The following ARHGEF11 variants were observed in gnomAD, a reference collection of about 807,000 sequenced individuals.
ARHGEF11 encodes the protein Rho guanine exchange factor (GEF) 11.
Under a neutral mutation model 193.7 loss-of-function variants are expected in ARHGEF11, and 55 were observed. The observed-to-expected ratio is 0.28, with a 90% CI of 0.23 to 0.36. ARHGEF11 has a LOEUF of 0.36. Ranked by LOEUF, ARHGEF11 falls within the 10% of genes least tolerant of loss-of-function variation. The pLI is 1.00. For missense variants in ARHGEF11, 1,723 were observed against 2,005.6 expected (o/e 0.86, Z 2.69); for synonymous variants, 693 against 768.0 (o/e 0.90, Z 1.62).
At chr1:156,944,672 A>G (rs1657790433) in intron 30 of ARHGEF11, among the ~76,000 whole-genome samples, 1 of 152,082 alleles carries the variant, frequency 6.6e-6, no homozygotes, top group African/African-American at 2.4e-5. Flanking sequence ...ACCTGCCCCT[A>G]CCACGTGCCA....
chr1:157,036,771 C>T (rs1672101017), intron 1 of ARHGEF11, among the ~76,000 whole-genome samples: 1 of 152,126 alleles, frequency 6.6e-6, no homozygotes, highest in African/African-American at 2.4e-5. Context: ...TACTGAAGAT[C>T]CTAGTCTATC....
At chr1:156,951,857 T>G (rs1659162320) in intron 21 of ARHGEF11, among the ~76,000 whole-genome samples, 158 bp from the exon 22 acceptor site, 1 of 152,166 alleles carries the variant, frequency 6.6e-6, no homozygotes, top group African/African-American at 2.4e-5. Context: ...GTCCTGGCTC[T>G]TCTATGAATA....
At position 156,948,825 on chromosome 1, in the gene ARHGEF11, C is replaced by T. The variant is rs1425654542; in HGVS notation, c.1926-327G>A. On this transcript the variant is annotated intron_variant, in intron 22 of 40. Transcript: ENST00000368194. The surrounding 1 kb of genome is among the most constrained non-coding windows in gnomAD (Gnocchi z 4.2). ...TTGTAGTGTGTCCAGAGGCCTGAGA[C>T]ACCATGCTTCTGTCAAGAAGGTGGT... The T allele has an allele frequency of 1.0e-6, 1 of 985,332 alleles. No homozygotes were observed. Among genetic ancestry groups the T allele is most frequent in the Non-Finnish European group, 1.2e-6 (1 of 829,938 alleles). The allele number at this position is 985,332 out of a possible 1,614,324, so 61.0% of individuals were successfully genotyped here.
At chr1:156,947,735 G>T in intron 25 of ARHGEF11, 34 bp downstream of exon 25, 1 of 1,607,266 alleles carries the variant, frequency 6.2e-7, no homozygotes, top group South Asian at 1.1e-5. Context: ...CCACACGTGT[G>T]AGCGGAGCTG....
intron 40 of ARHGEF11, 68 bp downstream of exon 40, chr1:156,936,748 T>C (rs1655449148): frequency 6.6e-7 from 1 of 1,523,004 alleles, no homozygotes; most frequent in Non-Finnish European, 8.9e-7. Flanking sequence ...TGCTTAGTGA[T>C]GTGTCCTCAC....
chr1:156,939,772 C>T lies in ARHGEF11; in HGVS notation c.3872G>A (p.Gly1291Asp), dbSNP rs1200445744. Residue 1291 changes from glycine (G) to aspartate (D), a missense_variant, in exon 37 of 41, where the codon GGC becomes GAC. Gly to Asp is a moderately conservative substitution (Grantham distance 94, BLOSUM62 -1). Coordinates refer to ENST00000368194, the MANE Select transcript of ARHGEF11 (RefSeq NM_198236.3). ...CCCAGGGGGTGCTTGCCCTGGGGAGCCTGGGTCCCAGGGGTGAGAGGTGAC... is the reference window on the plus strand; with the variant it reads ...CCCAGGGGGTGCTTGCCCTGGGGAGTCTGGGTCCCAGGGGTGAGAGGTGAC... ...ISVTSHPWDP[G>D]SPGQAPPGGE... 1 of 1,613,890 alleles carries T rather than the reference C, an allele frequency of 6.2e-7. No homozygotes were observed. The highest frequency in any genetic ancestry group is 1.7e-5 in the Admixed American group (1 of 59,988).
chr1:156,959,898 T>A (rs1175966166), intron 15 of ARHGEF11, among the ~76,000 whole-genome samples: 1 of 149,708 alleles, frequency 6.7e-6, no homozygotes, highest in Non-Finnish European at 1.5e-5. Flanking sequence ...TCAGTATTAG[T>A]TAGGGAACTT....
intron 1 of ARHGEF11, among the ~76,000 whole-genome samples, chr1:157,023,790 C>A (rs868654627): frequency 1.4e-5 from 2 of 143,858 alleles, no homozygotes; most frequent in East Asian, 2.0e-4. Flanking sequence ...AAGATAATAA[C>A]AACTGCTGGA....
chr1:157,014,721 C>T (rs1308489403), intron 1 of ARHGEF11, among the ~76,000 whole-genome samples: 2 of 152,172 alleles, frequency 1.3e-5, no homozygotes, highest in African/African-American at 4.8e-5. Context: ...AGATTGTTTT[C>T]AGTAAGATTA....
At chr1:156,962,835 C>T (rs1222948624) in intron 13 of ARHGEF11, among the ~76,000 whole-genome samples, 2 of 145,316 alleles carry the variant, frequency 1.4e-5, no homozygotes, top group Non-Finnish European at 3.0e-5. Flanking sequence ...GCTGAGATCG[C>T]GCCACTGCAC....
At chr1:157,030,216 T>C (rs1671128086) in intron 1 of ARHGEF11, among the ~76,000 whole-genome samples, 1 of 152,164 alleles carries the variant, frequency 6.6e-6, no homozygotes, top group African/African-American at 2.4e-5. Flanking sequence ...CGAGCATCCA[T>C]TTACTACACA....
chr1:157,039,562 G>A (rs1323231650), intron 1 of ARHGEF11, among the ~76,000 whole-genome samples: 1 of 152,052 alleles, frequency 6.6e-6, no homozygotes, highest in Non-Finnish European at 1.5e-5. Context: ...TTACCCCATG[G>A]GGCAAAGGAG....
At chr1:157,030,607 A>T (rs1010379833) in intron 1 of ARHGEF11, among the ~76,000 whole-genome samples, 1 of 152,038 alleles carries the variant, frequency 6.6e-6, no homozygotes, top group Admixed American at 6.6e-5. Context: ...CTTAAGAATT[A>T]CACATTTTTA....
At position 156,951,439 on chromosome 1, in the gene ARHGEF11, G is replaced by A. The variant is rs1306872755; in HGVS notation, c.1925+134C>T. The A allele has an allele frequency of 3.4e-6, 4 of 1,190,996 alleles. No homozygotes were observed. The African/African-American group carries it at 4.6e-5, about 14-fold the overall frequency. 73.8% of individuals were successfully genotyped at this position (1,190,996 alleles called of 1,614,324 possible). A position where few individuals can be genotyped will look rare whatever the true frequency, so the allele number is the denominator to read the frequency against. ...TGTGTCTCCTGAAGATACTGGGGGT[G>A]GGGAGGAAGTTCTGTAAAGGGAGCC... is the stretch of plus-strand genomic sequence containing the variant. On this transcript the variant is annotated intron_variant, in intron 22 of 40. Coordinates refer to ENST00000368194, the MANE Select transcript of ARHGEF11 (RefSeq NM_198236.3).
In ARHGEF11 at chr1:156,940,335, C is replaced by A. The variant is rs1296851122; in HGVS notation, c.3605G>T (p.Gly1202Val). Residue 1202 changes from glycine to valine, a missense_variant, in exon 36 of 41, where the codon GGT becomes GTT. Coordinates refer to ENST00000368194, the MANE Select transcript of ARHGEF11 (RefSeq NM_198236.3). ...GGATGTGGAAGGGCAAGGCAGGACA[C>A]CCAGTTCCTCTTCCTCTGCACTGCC... is the stretch of plus-strand genomic sequence containing the variant. ...QEGSAEEEEL[G>V]VLPCPSTSLD... 6.2e-7 allele frequency: 1 copy of A among 1,613,942 alleles called. No individual in the cohort carries two copies. Among genetic ancestry groups the A allele is most frequent in the Non-Finnish European group, 8.5e-7 (1 of 1,179,886 alleles).
At chr1:156,970,638 C>G (rs976454538) in intron 8 of ARHGEF11, among the ~76,000 whole-genome samples, 1 of 152,184 alleles carries the variant, frequency 6.6e-6, no homozygotes, top group African/African-American at 2.4e-5. Context: ...ACCCTAAGGC[C>G]AGGGTTGGCG....
In ARHGEF11 at chr1:157,045,654, C is replaced by T. The variant is rs1673238985; in HGVS notation, c.-1324G>A. ...CGCCCCGCGCCCGACCGCCGTGTTC[C>T]GGCCTTCGCGGCCGCTCGGGACGCC... On this transcript the variant is annotated 5_prime_UTR_variant, in exon 1 of 41. Coordinates refer to ENST00000368194, the MANE Select transcript of ARHGEF11 (RefSeq NM_198236.3). Among the ~76,000 whole-genome samples, 1 of 150,808 alleles carries T rather than the reference C, an allele frequency of 6.6e-6. No homozygotes were observed. The highest frequency in any genetic ancestry group is 2.4e-5 in the African/African-American group (1 of 41,286).
At chr1:157,011,674 T>C (rs1163041950) in intron 1 of ARHGEF11, among the ~76,000 whole-genome samples, 1 of 152,106 alleles carries the variant, frequency 6.6e-6, no homozygotes, top group Non-Finnish European at 1.5e-5. Flanking sequence ...GGCAAAGATC[T>C]GAAAAGATAC....
chr1:157,042,133 T>C lies in ARHGEF11; in HGVS notation c.32+2166A>G, dbSNP rs116205864. Among the ~76,000 whole-genome samples the C allele has an allele frequency of 5.9e-3, 901 of 152,252 alleles. 3 individuals are homozygous for C. Among genetic ancestry groups the C allele is most frequent in the Non-Finnish European group, 0.01 (690 of 68,002 alleles). ...GGATGTCTGAAGGGGATCTGAGTCCTACCACTCTTAATGGGGAAGAGAATC... is the reference window on the plus strand; with the variant it reads ...GGATGTCTGAAGGGGATCTGAGTCCCACCACTCTTAATGGGGAAGAGAATC... On this transcript the variant is annotated intron_variant, in intron 1 of 40. Transcript: ENST00000368194.
Sources: gnomAD v4.1 joint callset for allele counts (sites outside exome capture counted in the v4.1 genomes callset) on GRCh38, gnomAD v4.1.1 for gene constraint, Gnocchi (gnomAD v3.1) non-coding constraint, MANE v1.5 for transcripts, NCBI Gene and HGNC (gene_info 2026-07-23, HGNC 2026-07-21) for gene names.